TUBGCP3: variants seen among roughly 807,000 people sequenced by gnomAD.
TUBGCP3 encodes gamma-tubulin complex component 3.
A neutral mutation model predicts 123.1 loss-of-function variants in TUBGCP3; 50 were observed. The observed-to-expected ratio is 0.41, with a 90% CI of 0.32 to 0.51. The LOEUF (loss-of-function observed/expected upper bound fraction) is 0.51. Ranked by LOEUF, TUBGCP3 falls within the 20% of genes least tolerant of loss-of-function variation. The pLI is 0.36. For synonymous variants in TUBGCP3, 405 were observed against 413.9 expected (o/e 0.98, Z 0.26); for missense variants, 882 against 1,127.0 (o/e 0.78, Z 3.11).
intron 11 of TUBGCP3, among the ~76,000 whole-genome samples, chr13:112,536,705 T>C (rs1214463476): frequency 3.3e-5 from 5 of 152,206 alleles, no homozygotes; most frequent in Non-Finnish European, 7.3e-5. Flanking sequence ...TACCTATATA[T>C]AATCTTTATT....
rs752316611 is a variant in TUBGCP3, at chr13:112,565,079, A to C, written c.252+32T>G. On this transcript the variant is annotated intron_variant, in intron 3 of 21. Transcript: ENST00000261965. ...ACCACTCATCATATCCTCAACAATG[A>C]GTGCAATGACCTCCAGAATTCTGCA... 5.0e-6 allele frequency: 8 copies of C among 1,589,358 alleles called. No homozygotes were observed. The Admixed American group carries it at 1.2e-4, about 24-fold the overall frequency.
intron 11 of TUBGCP3, among the ~76,000 whole-genome samples, chr13:112,528,159 G>A (rs545894192): frequency 2.6e-4 from 40 of 152,342 alleles, no homozygotes; most frequent in Admixed American, 2.4e-3. Flanking sequence ...TGAGCAGTAA[G>A]GAGAAAATTC....
At chr13:112,502,514 G>T in intron 19 of TUBGCP3, among the ~76,000 whole-genome samples, 1 of 151,550 alleles carries the variant, frequency 6.6e-6, no homozygotes, top group Admixed American at 6.6e-5. Context: ...GGTTTCAAGG[G>T]CCTCAAACCT....
intron 10 of TUBGCP3, chr13:112,546,412 T>G (rs572470475): frequency 1.3e-5 from 2 of 153,880 alleles, no homozygotes; most frequent in African/African-American, 4.8e-5. Flanking sequence ...TGGCCAGAAC[T>G]ACACAGTATG....
At chr13:112,576,930 C>T (rs1271903938) in intron 1 of TUBGCP3, among the ~76,000 whole-genome samples, 4 of 133,326 alleles carry the variant, frequency 3.0e-5, no homozygotes, top group Non-Finnish European at 6.5e-5. Context: ...AAAACCCCAG[C>T]AGTCAATGAA....
chr13:112,561,463 A>G (rs561193830), intron 3 of TUBGCP3, among the ~76,000 whole-genome samples: 2 of 152,240 alleles, frequency 1.3e-5, no homozygotes, highest in Non-Finnish European at 2.9e-5. Context: ...ACAGAGCTAC[A>G]TGCAGGGTTC....
intron 11 of TUBGCP3, among the ~76,000 whole-genome samples, chr13:112,533,141 T>C (rs1327188156): frequency 6.6e-6 from 1 of 152,178 alleles, no homozygotes; most frequent in East Asian, 1.9e-4. Context: ...TGCTGGGCCA[T>C]CAACAGAGAG....
At chr13:112,598,269 A>G in the TUBGCP3 span, among the ~76,000 whole-genome samples, 2 of 151,846 alleles carry the variant, frequency 1.3e-5, no homozygotes, top group African/African-American at 4.8e-5. Flanking sequence ...AAAAAGATTT[A>G]CCACCAGCAG....
At chr13:112,570,576 C>CA (rs1323061750) in intron 1 of TUBGCP3, among the ~76,000 whole-genome samples, 1 of 152,228 alleles carries the variant, frequency 6.6e-6, no homozygotes, top group Non-Finnish European at 1.5e-5. Context: ...GAGCCTTCAG[C>CA]AAGTCGAAAT....
At chr13:112,557,840 C>T (rs1388246870) in intron 5 of TUBGCP3, among the ~76,000 whole-genome samples, 3 of 152,212 alleles carry the variant, frequency 2.0e-5, no homozygotes, top group Non-Finnish European at 4.4e-5. Flanking sequence ...GAAAAACATA[C>T]ATCAATGAAG....
intron 11 of TUBGCP3, among the ~76,000 whole-genome samples, chr13:112,539,256 T>C (rs9550129): frequency 0.15 from 22,181 of 151,688 alleles, 1,930 homozygotes; most frequent in Non-Finnish European, 0.2. Flanking sequence ...CCCAGAGAGG[T>C]GAAGGTATTT....
At chr13:112,556,250 T>C (rs1221013170) in intron 5 of TUBGCP3, 26 bp from the exon 6 acceptor site, 2 of 1,599,650 alleles carry the variant, frequency 1.3e-6, no homozygotes, top group Non-Finnish European at 1.7e-6. Flanking sequence ...TGTATTATCT[T>C]CTAATAGGCT....
At chr13:112,546,168 CAT>C in intron 10 of TUBGCP3, 1 of 284,834 alleles carries the variant, frequency 3.5e-6, no homozygotes, top group East Asian at 6.2e-5. Flanking sequence ...CTAAAGTTCA[CAT>C]GACTTTTCAT....
In TUBGCP3 at chr13:112,552,893, T is replaced by C. The variant is rs531314690; in HGVS notation, c.966+1164A>G. On this transcript the variant is annotated intron_variant, in intron 8 of 21. Coordinates refer to ENST00000261965, the MANE Select transcript of TUBGCP3 (RefSeq NM_006322.6). ...CAGCCACGCTCTTCCCCATCAGCCA[T>C]GCTCCTACTCAGCAGCCACGCTGCC... 5.6e-3 allele frequency among the ~76,000 whole-genome samples: 763 copies of C among 136,672 alleles called. 8 individuals carry two copies. Among genetic ancestry groups the C allele is most frequent in the African/African-American group, 0.02 (724 of 35,940 alleles). 89.7% of individuals were successfully genotyped at this position (136,672 alleles called of 152,430 possible).
the TUBGCP3 span, chr13:112,603,693 C>T: frequency 6.6e-6 from 1 of 152,218 alleles, no homozygotes; most frequent in East Asian, 1.9e-4. Flanking sequence ...GCCATGGCAC[C>T]CAGCCTGGGC....
At chr13:112,604,165 G>C in the TUBGCP3 span, 1 of 152,142 alleles carries the variant, frequency 6.6e-6, no homozygotes, top group African/African-American at 2.4e-5. Flanking sequence ...TCTCTTATTA[G>C]GTTTCATTCC....
chr13:112,497,938 TAA>T (rs1880630406), intron 20 of TUBGCP3, among the ~76,000 whole-genome samples: 1 of 152,108 alleles, frequency 6.6e-6, no homozygotes. Context: ...CAGATTATAG[TAA>T]ATAAAAGAAA....
At position 112,545,496 on chromosome 13, in the gene TUBGCP3, A is replaced by T. The variant is rs532673625; in HGVS notation, c.1335+203T>A. ...AATAAACTGGGACAATTCTCCACTA[A>T]CCAAAGAACTCGTGAACTTATCTGC... is the stretch of plus-strand genomic sequence containing the variant. On this transcript the variant is annotated intron_variant, in intron 11 of 21. Transcript: ENST00000261965. The surrounding 1 kb of genome is among the most constrained non-coding windows in gnomAD (Gnocchi z 4.1). The T allele has an allele frequency of 5.8e-5, 32 of 554,274 alleles. No homozygotes were observed. In the East Asian group the frequency reaches 8.8e-4, roughly 15 times the overall value. The allele number at this position is 554,274 out of a possible 1,614,324, so 34.3% of individuals were successfully genotyped here.
At chr13:112,556,998 G>C (rs113350052) in intron 5 of TUBGCP3, among the ~76,000 whole-genome samples, 3 of 151,906 alleles carry the variant, frequency 2.0e-5, no homozygotes, top group Admixed American at 1.3e-4. Context: ...TGCAATACTG[G>C]GGGGGTTTAT....
Sources: allele counts gnomAD v4.1 joint callset (sites outside exome capture counted in the v4.1 genomes callset), GRCh38; gene constraint gnomAD v4.1.1; non-coding constraint Gnocchi (gnomAD v3.1); transcripts MANE v1.5; gene names NCBI Gene and HGNC (gene_info 2026-07-23, HGNC 2026-07-21).